OTUD7A: variants seen among roughly 807,000 people sequenced by gnomAD.
The protein encoded by OTUD7A is OTU deubiquitinase 7A.
A neutral mutation model predicts 65.7 loss-of-function variants in OTUD7A; 12 were observed. The ratio of observed to expected loss-of-function variants is 0.18; its 90% CI spans 0.12 to 0.30. The LOEUF is 0.30. Ranked by LOEUF, OTUD7A falls within the 10% of genes least tolerant of loss-of-function variation. The pLI is 1.00. For missense variants in OTUD7A, 1,148 were observed against 1,304.8 expected (o/e 0.88, Z 1.85); for synonymous variants, 641 against 586.3 (o/e 1.09, Z -1.35).
intron 1 of OTUD7A, among the ~76,000 whole-genome samples, chr15:31,796,854 C>G (rs1895974499): frequency 6.6e-6 from 1 of 152,216 alleles, no homozygotes; most frequent in Non-Finnish European, 1.5e-5. Flanking sequence ...CCTGCCTCAG[C>G]CTCCTGAGTA....
At chr15:31,669,534 T>C (rs937537629) in intron 1 of OTUD7A, among the ~76,000 whole-genome samples, 2 of 152,150 alleles carry the variant, frequency 1.3e-5, no homozygotes, top group Non-Finnish European at 2.9e-5. Flanking sequence ...TTCCAGGCAG[T>C]GGGTGAGCAG....
chr15:31,633,295 T>C (rs1891236384), intron 3 of OTUD7A, among the ~76,000 whole-genome samples: 1 of 152,186 alleles, frequency 6.6e-6, no homozygotes, highest in Non-Finnish European at 1.5e-5. Context: ...TAAACCAATT[T>C]TGATCTCTAT....
intron 1 of OTUD7A, among the ~76,000 whole-genome samples, chr15:31,841,084 A>T (rs941856508): frequency 6.6e-6 from 1 of 152,154 alleles, no homozygotes; most frequent in East Asian, 1.9e-4. Context: ...CATCACTATA[A>T]AATAAAGCAC....
Position 31,861,896 on chromosome 15 carries a change from A to T in OTUD7A, c.-100+8611T>A, listed in dbSNP as rs568203456. Among the ~76,000 whole-genome samples, 99 of 152,308 alleles carry T rather than the reference A, an allele frequency of 6.5e-4. 1 individual carries two copies. The highest frequency in any genetic ancestry group is 1.1e-3 in the Non-Finnish European group (74 of 68,024). ...CCATGTCATCCCACAGATGGCACAG[A>T]CACCCCTGTGTCCTTCACCATGGCA... On this transcript the variant is annotated intron_variant, in intron 1 of 12. Coordinates refer to ENST00000307050, the MANE Select transcript of OTUD7A (RefSeq NM_001382637.1).
intron 3 of OTUD7A, among the ~76,000 whole-genome samples, chr15:31,626,159 G>A (rs1352698813): frequency 1.3e-5 from 2 of 152,106 alleles, no homozygotes; most frequent in Non-Finnish European, 2.9e-5. Flanking sequence ...CATACCTAAG[G>A]CTTGTGCATT....
intron 3 of OTUD7A, among the ~76,000 whole-genome samples, chr15:31,606,466 G>A (rs895134168): frequency 6.6e-6 from 1 of 152,292 alleles, no homozygotes; most frequent in African/African-American, 2.4e-5. Context: ...AGAAATGGAT[G>A]AATAACAAAG....
intron 1 of OTUD7A, among the ~76,000 whole-genome samples, chr15:31,658,206 T>C (rs974431358): frequency 1.3e-5 from 2 of 152,214 alleles, no homozygotes; most frequent in African/African-American, 4.8e-5. Flanking sequence ...AAGGAACTCA[T>C]GCACAAAATG....
At position 31,483,377 on chromosome 15, in the gene OTUD7A, G is replaced by A. The variant is rs1423868317; in HGVS notation, c.2719C>T (p.Arg907Cys). The A allele has an allele frequency of 3.1e-6, 4 of 1,306,740 alleles. No individual in the cohort carries two copies. The highest frequency in any genetic ancestry group is 1.8e-5 in the South Asian group (1 of 55,882). The allele number at this position is 1,306,740 out of a possible 1,614,324, so 80.9% of individuals were successfully genotyped here. A position where few individuals can be genotyped will look rare whatever the true frequency, so the allele number is the denominator to read the frequency against. ...CQRENCAFYG[R>C]AETEHYCSYC... The stretch of plus-strand genomic sequence containing the variant: ...GAGCAGTAGTGCTCGGTCTCGGCGC[G>A]CCCGTAGAACGCACAGTTCTCGCGC... Residue 907 changes from arginine (R) to cysteine (C), a missense_variant, in exon 13 of 13, where the codon CGC (arginine) becomes TGC (cysteine). Coordinates refer to ENST00000307050, the MANE Select transcript of OTUD7A (RefSeq NM_001382637.1).
chr15:31,831,689 GT>G (rs1177474996), intron 1 of OTUD7A, among the ~76,000 whole-genome samples: 1 of 152,222 alleles, frequency 6.6e-6, no homozygotes, highest in East Asian at 1.9e-4. Flanking sequence ...GTACAAGAAC[GT>G]TCACAGTAGC....
At chr15:31,690,233 TAAC>T (rs1892931699) in intron 1 of OTUD7A, among the ~76,000 whole-genome samples, 1 of 152,248 alleles carries the variant, frequency 6.6e-6, no homozygotes, top group South Asian at 2.1e-4. Context: ...TCATAATTCT[TAAC>T]AACTACTTTA....
intron 1 of OTUD7A, among the ~76,000 whole-genome samples, chr15:31,802,127 G>GTA (rs1896145414): frequency 7.4e-6 from 1 of 135,902 alleles, no homozygotes; most frequent in African/African-American, 2.7e-5. Flanking sequence ...GTGTGTGTGT[G>GTA]TGTGTGTGTG....
At chr15:31,797,225 C>A (rs944905548) in intron 1 of OTUD7A, among the ~76,000 whole-genome samples, 1 of 152,146 alleles carries the variant, frequency 6.6e-6, no homozygotes, top group Non-Finnish European at 1.5e-5. Flanking sequence ...AAACTGCCAA[C>A]CCTCCCCAAA....
intron 1 of OTUD7A, among the ~76,000 whole-genome samples, chr15:31,687,453 T>C (rs1378123407): frequency 1.3e-5 from 2 of 152,200 alleles, no homozygotes; most frequent in African/African-American, 4.8e-5. Flanking sequence ...CCCATGTGTC[T>C]TGTGTCTGAT....
At chr15:31,635,994 GC>G (rs2141256049) in intron 3 of OTUD7A, among the ~76,000 whole-genome samples, 1 of 152,346 alleles carries the variant, frequency 6.6e-6, no homozygotes, top group African/African-American at 2.4e-5. Context: ...GACGCCAGGT[GC>G]TGTCTGCATC....
chr15:31,686,202 G>A (rs1019804716), intron 1 of OTUD7A, among the ~76,000 whole-genome samples: 1 of 152,226 alleles, frequency 6.6e-6, no homozygotes, highest in African/African-American at 2.4e-5. Context: ...TGGAGAAGGA[G>A]GGGTCCTTTT....
chr15:31,801,491 G>C (rs1008667781), intron 1 of OTUD7A, among the ~76,000 whole-genome samples: 13 of 152,342 alleles, frequency 8.5e-5, no homozygotes, highest in African/African-American at 3.1e-4. Context: ...CACTATCTAG[G>C]CCAGCAGCGG....
At chr15:31,816,789 A>C (rs1246635859) in intron 1 of OTUD7A, among the ~76,000 whole-genome samples, 1 of 152,260 alleles carries the variant, frequency 6.6e-6, no homozygotes, top group Non-Finnish European at 1.5e-5. Context: ...TATTAATGCC[A>C]GAATTTAATT....
intron 3 of OTUD7A, among the ~76,000 whole-genome samples, chr15:31,582,752 T>G (rs1484986786): frequency 6.6e-6 from 1 of 152,124 alleles, no homozygotes; most frequent in Non-Finnish European, 1.5e-5. Context: ...CAAGGTGAGA[T>G]TTGGGTGGGA....
intron 1 of OTUD7A, among the ~76,000 whole-genome samples, chr15:31,725,014 T>A (rs1462083511): frequency 6.6e-6 from 1 of 151,820 alleles, no homozygotes; most frequent in Non-Finnish European, 1.5e-5. Flanking sequence ...GGGCTGTGAG[T>A]GATTGCGGGG....
Sources: gnomAD v4.1 joint callset for allele counts (sites outside exome capture counted in the v4.1 genomes callset) on GRCh38, gnomAD v4.1.1 for gene constraint, MANE v1.5 for transcripts, NCBI Gene and HGNC (gene_info 2026-07-23, HGNC 2026-07-21) for gene names.